NSMCE2: variants seen among roughly 807,000 people sequenced by gnomAD.
The protein encoded by NSMCE2 is NSE2 SUMO ligase component of SMC5/6 complex, also known as E3 SUMO-protein ligase NSE2.
A neutral mutation model predicts 23.8 loss-of-function variants in NSMCE2; 24 were observed. The observed-to-expected ratio is 1.01, with a 90% CI of 0.73 to 1.42. The LOEUF (loss-of-function observed/expected upper bound fraction) is 1.42, where lower values mean the gene tolerates loss of function less well. NSMCE2 is among the 40% of genes most tolerant of loss of function. The pLI is 0.00. For missense variants in NSMCE2, 284 were observed against 296.5 expected (o/e 0.96, Z 0.31); for synonymous variants, 92 against 94.1 (o/e 0.98, Z 0.13).
At chr8:125,191,133 A>G (rs533313695) in intron 5 of NSMCE2, among the ~76,000 whole-genome samples, 11 of 152,174 alleles carry the variant, frequency 7.2e-5, no homozygotes, top group Non-Finnish European at 1.0e-4. Context: ...CGGCCTCCCA[A>G]AGCACTGGGA....
chr8:125,283,936 A>G lies in NSMCE2; in HGVS notation c.419-73283A>G, dbSNP rs575708894. 3.7e-4 allele frequency among the ~76,000 whole-genome samples: 56 copies of G among 152,214 alleles called. 1 individual carries two copies. The highest frequency in any genetic ancestry group is 9.9e-4 in the African/African-American group (41 of 41,546). ...TGGGAGGCCAAGGTGGGCAGATCAC[A>G]AGGTCAGGAGATGGAGACCATCCTG... On this transcript the variant is annotated intron_variant, in intron 5 of 7. Coordinates refer to ENST00000287437, the MANE Select transcript of NSMCE2 (RefSeq NM_173685.4).
At chr8:125,265,833 C>T (rs1826887227) in intron 5 of NSMCE2, among the ~76,000 whole-genome samples, 1 of 152,158 alleles carries the variant, frequency 6.6e-6, no homozygotes, top group African/African-American at 2.4e-5. Flanking sequence ...TAAATTTTCT[C>T]AGACTTGTAG....
intron 5 of NSMCE2, among the ~76,000 whole-genome samples, chr8:125,302,785 A>T (rs1302826734): frequency 6.6e-6 from 1 of 152,124 alleles, no homozygotes; most frequent in East Asian, 1.9e-4. Context: ...ATGAATATAG[A>T]CATGTGTTTG....
chr8:125,105,798 T>C (rs927176457), intron 3 of NSMCE2, among the ~76,000 whole-genome samples: 2 of 152,216 alleles, frequency 1.3e-5, no homozygotes, highest in African/African-American at 4.8e-5. Flanking sequence ...TGTCAACCCC[T>C]GCTTTAGTGC....
intron 5 of NSMCE2, among the ~76,000 whole-genome samples, chr8:125,294,589 C>G (rs893947432): frequency 6.6e-6 from 1 of 152,096 alleles, no homozygotes; most frequent in Non-Finnish European, 1.5e-5. Flanking sequence ...GCTAAACTTG[C>G]GATCGTATAC....
chr8:125,219,949 C>T (rs1824777875), intron 5 of NSMCE2, among the ~76,000 whole-genome samples: 1 of 152,176 alleles, frequency 6.6e-6, no homozygotes, highest in Non-Finnish European at 1.5e-5. Context: ...AGGCATACAA[C>T]GTAGCCTGCC....
chr8:125,152,887 G>A (rs1821113344), intron 4 of NSMCE2, among the ~76,000 whole-genome samples: 1 of 151,690 alleles, frequency 6.6e-6, no homozygotes, highest in Non-Finnish European at 1.5e-5. Context: ...GTGAAACCCT[G>A]TCTCTACTAA....
intron 5 of NSMCE2, among the ~76,000 whole-genome samples, chr8:125,330,749 C>T (rs765617145): frequency 5.9e-4 from 90 of 152,210 alleles, no homozygotes; most frequent in Admixed American, 4.0e-3. Context: ...GAGTGGGAAA[C>T]GCCAGAGGCT....
chr8:125,279,101 G>A (rs1339785875), intron 5 of NSMCE2, among the ~76,000 whole-genome samples: 1 of 152,180 alleles, frequency 6.6e-6, no homozygotes, highest in African/African-American at 2.4e-5. Context: ...AGAGTTGCCA[G>A]TTAAATACAT....
chr8:125,208,118 A>G (rs1824186574), intron 5 of NSMCE2, among the ~76,000 whole-genome samples: 1 of 152,190 alleles, frequency 6.6e-6, no homozygotes, highest in Non-Finnish European at 1.5e-5. Flanking sequence ...CTGCTGAAAC[A>G]TCATTGACTG....
At chr8:125,262,379 G>A (rs1156288891) in intron 5 of NSMCE2, among the ~76,000 whole-genome samples, 1 of 152,080 alleles carries the variant, frequency 6.6e-6, no homozygotes, top group African/African-American at 2.4e-5. Context: ...AGCAGAGATC[G>A]CGCCACTGCA....
At chr8:125,280,368 T>C (rs746740384) in intron 5 of NSMCE2, among the ~76,000 whole-genome samples, 3 of 151,682 alleles carry the variant, frequency 2.0e-5, no homozygotes, top group African/African-American at 7.3e-5. Flanking sequence ...TCTAAACTAA[T>C]GAAATGTCCT....
At chr8:125,311,849 C>T (rs1828982557) in intron 5 of NSMCE2, among the ~76,000 whole-genome samples, 2 of 151,980 alleles carry the variant, frequency 1.3e-5, no homozygotes, top group South Asian at 2.1e-4. Context: ...GAGGCCAAGG[C>T]GGGTAGATTA....
intron 5 of NSMCE2, among the ~76,000 whole-genome samples, chr8:125,271,673 C>T (rs533524446): frequency 3.3e-5 from 5 of 152,248 alleles, no homozygotes; most frequent in African/African-American, 1.2e-4. Flanking sequence ...AGGTATGAAT[C>T]AGGTTTCATA....
At chr8:125,175,816 G>T (rs1822457770) in intron 4 of NSMCE2, among the ~76,000 whole-genome samples, 1 of 152,170 alleles carries the variant, frequency 6.6e-6, no homozygotes, top group African/African-American at 2.4e-5. Context: ...TGAAAGAAAT[G>T]AGTTATATTA....
intron 5 of NSMCE2, among the ~76,000 whole-genome samples, chr8:125,292,845 G>A (rs1033820302): frequency 5.2e-4 from 79 of 152,176 alleles, no homozygotes; most frequent in Admixed American, 2.0e-3. Flanking sequence ...ACAACTATGA[G>A]TTGCCCATCA....
intron 1 of NSMCE2, among the ~76,000 whole-genome samples, chr8:125,099,546 A>G (rs927031927): frequency 1.3e-5 from 2 of 152,098 alleles, no homozygotes; most frequent in Non-Finnish European, 2.9e-5. Context: ...GGAGAATGAG[A>G]ACAAGAACAA....
intron 4 of NSMCE2, among the ~76,000 whole-genome samples, chr8:125,181,730 T>C (rs557972023): frequency 6.6e-6 from 1 of 151,354 alleles, no homozygotes; most frequent in South Asian, 2.1e-4. Flanking sequence ...GCATGAAGGA[T>C]GGAATAACCA....
chr8:125,251,669 T>C lies in NSMCE2; in HGVS notation c.418+69413T>C, dbSNP rs921690870. 7.2e-5 allele frequency among the ~76,000 whole-genome samples: 11 copies of C among 152,374 alleles called. No homozygotes were observed. In the East Asian group the frequency reaches 1.9e-3, roughly 27 times the overall value. On this transcript the variant is annotated intron_variant, in intron 5 of 7. Transcript: ENST00000287437. Reference sequence around the variant, plus strand: ...GCAACCACTTATTGGATGCCCGTTATGTCTTAGACAATGGAATAGTTATTT... The same window carrying C: ...GCAACCACTTATTGGATGCCCGTTACGTCTTAGACAATGGAATAGTTATTT...
Sources: gnomAD v4.1 joint callset for allele counts (sites outside exome capture counted in the v4.1 genomes callset) on GRCh38, gnomAD v4.1.1 for gene constraint, MANE v1.5 for transcripts, NCBI Gene and HGNC (gene_info 2026-07-23, HGNC 2026-07-21) for gene names.